The following PTPRQ variants were observed in gnomAD, a reference collection of about 807,000 sequenced individuals.
The protein encoded by PTPRQ is phosphatidylinositol phosphatase PTPRQ.
PTPRQ carries 199 observed loss-of-function variants against 246.0 expected under a neutral mutation model. The ratio of observed to expected loss-of-function variants is 0.81; its 90% CI spans 0.72 to 0.91. The LOEUF (loss-of-function observed/expected upper bound fraction) is 0.91, where lower values mean the gene tolerates loss of function less well. Ranked by LOEUF, PTPRQ falls within the 40% of genes least tolerant of loss-of-function variation. The pLI is 0.00. For synonymous variants in PTPRQ, 869 were observed against 853.2 expected, an observed-to-expected ratio of 1.02 and a Z score of -0.32; for missense variants, 2,624 against 2,528.4, an observed-to-expected ratio of 1.04 and a Z score of -0.81.
intron 29 of PTPRQ, among the ~76,000 whole-genome samples, chr12:80,614,718 G>T (rs1460822620): frequency 1.3e-5 from 2 of 150,886 alleles, no homozygotes; most frequent in East Asian, 3.9e-4. Flanking sequence ...AAGTAACCTG[G>T]GTTCAAATAC....
intron 35 of PTPRQ, among the ~76,000 whole-genome samples, chr12:80,636,002 C>T (rs1440453843): frequency 6.6e-6 from 1 of 152,102 alleles, no homozygotes; most frequent in African/African-American, 2.4e-5. Flanking sequence ...AATAGATGGA[C>T]TTTGCAAGTA....
At chr12:80,520,171 C>A (rs907611548) in intron 17 of PTPRQ, among the ~76,000 whole-genome samples, 2 of 152,028 alleles carry the variant, frequency 1.3e-5, no homozygotes, top group African/African-American at 2.4e-5. Context: ...TGTCCCCACC[C>A]AACTCTCATC....
chr12:80,583,520 A>G (rs1197169214), intron 25 of PTPRQ, among the ~76,000 whole-genome samples: 1 of 152,188 alleles, frequency 6.6e-6, no homozygotes, highest in Non-Finnish European at 1.5e-5. Flanking sequence ...TATACAAACT[A>G]ATAGAGCTAT....
chr12:80,450,674 T>C (rs940493463), intron 3 of PTPRQ, among the ~76,000 whole-genome samples: 15 of 152,244 alleles, frequency 9.9e-5, no homozygotes, highest in African/African-American at 3.6e-4. Flanking sequence ...ATGTGCTAGA[T>C]TACATTTATT....
Position 80,613,625 on chromosome 12 carries a change from A to C in PTPRQ, c.4952A>C (p.Gln1651Pro). ...PKDPPNNMTF[Q>P]KIPDEVTKFQ... ...GACCCACCTAACAACATGACATTTC[A>C]GAAGATACCAGATGAAGTTACAAAA... The change falls in exon 29 of 45, where the codon CAG becomes CCG. Residue 1651 changes from glutamine (Q) to proline (P), a missense_variant. Physicochemically the swap from Gln to Pro is moderately conservative, Grantham distance 76. Coordinates refer to ENST00000644991, the MANE Select transcript of PTPRQ (RefSeq NM_001145026.2). 6.5e-7 allele frequency: 1 copy of C among 1,545,148 alleles called. No homozygotes were observed. The highest frequency in any genetic ancestry group is 1.2e-5 in the South Asian group (1 of 83,628).
chr12:80,503,309 A>G (rs953702245), intron 14 of PTPRQ, among the ~76,000 whole-genome samples: 1 of 151,872 alleles, frequency 6.6e-6, no homozygotes, highest in African/African-American at 2.4e-5. Context: ...GAGAAGATTT[A>G]GCACATTTCA....
chr12:80,635,210 C>T, intron 35 of PTPRQ, 137 bp downstream of exon 35: 3 of 1,309,310 alleles, frequency 2.3e-6, no homozygotes, highest in Non-Finnish European at 3.0e-6. Context: ...AGAGTGACCT[C>T]CGTCTTCTAC....
At chr12:80,467,588 C>A (rs1893472397) in intron 6 of PTPRQ, among the ~76,000 whole-genome samples, 1 of 152,050 alleles carries the variant, frequency 6.6e-6, no homozygotes, top group Non-Finnish European at 1.5e-5. Flanking sequence ...TTCACAATAG[C>A]AAAGACTTGC....
At chr12:80,660,034 T>A (rs1250495930) in intron 39 of PTPRQ, among the ~76,000 whole-genome samples, 1 of 151,980 alleles carries the variant, frequency 6.6e-6, no homozygotes, top group Non-Finnish European at 1.5e-5. Flanking sequence ...AAAGAATGTC[T>A]GGTATATCAA....
chr12:80,675,867 G>T (rs529377314), intron 43 of PTPRQ, among the ~76,000 whole-genome samples: 2 of 152,280 alleles, frequency 1.3e-5, no homozygotes, highest in African/African-American at 2.4e-5. Context: ...TTGGCTCTGT[G>T]ACTTTGTTTA....
At chr12:80,475,642 C>T (rs1002833722) in intron 8 of PTPRQ, among the ~76,000 whole-genome samples, 1 of 151,882 alleles carries the variant, frequency 6.6e-6, no homozygotes, top group African/African-American at 2.4e-5. Context: ...TTTCCTTTAT[C>T]CCCTAAGCTT....
At chr12:80,636,757 A>G (rs190429610) in intron 35 of PTPRQ, among the ~76,000 whole-genome samples, 12 of 152,290 alleles carry the variant, frequency 7.9e-5, no homozygotes, top group Non-Finnish European at 1.5e-4. Context: ...ATCCTGAATA[A>G]GTATATCTTC....
At chr12:80,572,317 A>G (rs931066682) in intron 25 of PTPRQ, among the ~76,000 whole-genome samples, 46 of 152,090 alleles carry the variant, frequency 3.0e-4, no homozygotes, top group African/African-American at 1.1e-3. Context: ...CATTAGTTTG[A>G]TGCAAAATAC....
rs1565840674 is a variant in PTPRQ, at chr12:80,648,883, A to C, written c.5916-14A>C. ...CTCTGACTCACAATGCATTTAACAC[A>C]ATCTCTATTGCAGGTTACTTAGTTA... On this transcript the variant is annotated splice_polypyrimidine_tract_variant and intron_variant, in intron 35 of 44. Coordinates refer to ENST00000644991, the MANE Select transcript of PTPRQ (RefSeq NM_001145026.2). 2.6e-6 allele frequency: 4 copies of C among 1,529,050 alleles called. No individual in the cohort carries two copies. Among genetic ancestry groups the C allele is most frequent in the Non-Finnish European group, 2.6e-6 (3 of 1,137,618 alleles). 94.7% of individuals were successfully genotyped at this position (1,529,050 alleles called of 1,614,324 possible).
chr12:80,567,278 T>C (rs1257259478), intron 25 of PTPRQ, among the ~76,000 whole-genome samples: 1 of 152,246 alleles, frequency 6.6e-6, no homozygotes, highest in Admixed American at 6.5e-5. Flanking sequence ...AATTTCTATA[T>C]ACATGCATAA....
rs926675870 is a variant in PTPRQ, at chr12:80,482,654, G to T, written c.1187-1779G>T. On this transcript the variant is annotated intron_variant, in intron 8 of 44. Transcript: ENST00000644991. ...GACAAAGGGCTAATATCCAGAATCT[G>T]CAATGAACTCAAACAAATTTACAAG... is the stretch of plus-strand genomic sequence containing the variant. Among the ~76,000 whole-genome samples the T allele has an allele frequency of 2.7e-5, 4 of 150,290 alleles. 1 individual carries two copies. The highest frequency in any genetic ancestry group is 1.0e-4 in the African/African-American group (4 of 39,820).
At chr12:80,609,939 G>A (rs1340383213) in intron 27 of PTPRQ, among the ~76,000 whole-genome samples, 1 of 150,486 alleles carries the variant, frequency 6.6e-6, no homozygotes, top group African/African-American at 2.4e-5. Flanking sequence ...TGAAATCTAT[G>A]TGCCAACTAC....
chr12:80,624,328 G>A (rs1899114358), intron 33 of PTPRQ, among the ~76,000 whole-genome samples: 1 of 152,194 alleles, frequency 6.6e-6, no homozygotes, highest in African/African-American at 2.4e-5. Context: ...AGAGTTCAGT[G>A]TATTTTTTGT....
At chr12:80,541,351 T>C (rs1428910007) in intron 20 of PTPRQ, among the ~76,000 whole-genome samples, 5 of 152,084 alleles carry the variant, frequency 3.3e-5, no homozygotes, top group Admixed American at 2.6e-4. Flanking sequence ...ATATTAAAGA[T>C]GACAGAGTTT....
Sources: allele counts gnomAD v4.1 joint callset (sites outside exome capture counted in the v4.1 genomes callset), GRCh38; gene constraint gnomAD v4.1.1; transcripts MANE v1.5; gene names NCBI Gene and HGNC (gene_info 2026-07-23, HGNC 2026-07-21).